Variants in MARCHF10 observed in about 807,000 individuals in gnomAD.
MARCHF10 encodes probable E3 ubiquitin-protein ligase MARCHF10.
A neutral mutation model predicts 76.2 loss-of-function variants in MARCHF10; 64 were observed. That is an observed-to-expected ratio of 0.84 (90% confidence interval 0.69 to 1.03). The LOEUF is 1.03. MARCHF10 is among the 50% of genes least tolerant of loss of function. The pLI, the probability that MARCHF10 is intolerant of heterozygous loss-of-function variation, is 0.00. For missense variants in MARCHF10, 875 were observed against 958.0 expected (o/e 0.91, Z 1.14); for synonymous variants, 340 against 357.5 (o/e 0.95, Z 0.55).
Position 62,744,226 on chromosome 17 carries a change from A to G in MARCHF10, c.535+150T>C. 3 of 864,300 alleles carry G rather than the reference A, an allele frequency of 3.5e-6. No individual in the cohort carries two copies. The South Asian group carries it at 5.8e-5, about 17-fold the overall frequency. 53.5% of individuals were successfully genotyped at this position (864,300 alleles called of 1,614,324 possible). On this transcript the variant is annotated intron_variant, in intron 5 of 10. Transcript: ENST00000311269. ...ACGCCAAAAGCCCTAGGATCATACA[A>G]TTTGCTTTTAAAGCTGTTTCATTTT...
chr17:62,789,292 T>A (rs1313274632), intron 2 of MARCHF10, among the ~76,000 whole-genome samples: 1 of 152,086 alleles, frequency 6.6e-6, no homozygotes, highest in Non-Finnish European at 1.5e-5. Context: ...ACCCTGGAGA[T>A]GACACCCTAG....
At chr17:62,761,447 G>T (rs566549328) in intron 3 of MARCHF10, among the ~76,000 whole-genome samples, 1 of 151,846 alleles carries the variant, frequency 6.6e-6, no homozygotes, top group East Asian at 1.9e-4. Flanking sequence ...TTGAGACAAA[G>T]TTTCACTCTT....
At chr17:62,710,550 C>CTTTTTTTT (rs552647502) in intron 9 of MARCHF10, among the ~76,000 whole-genome samples, 22 of 88,620 alleles carry the variant, frequency 2.5e-4, no homozygotes, top group African/African-American at 1.1e-3. Context: ...TTGAACCCAG[C>CTTTTTTTT]TTTTTTTTTT....
Position 62,736,836 on chromosome 17 carries a change from T to C in MARCHF10, c.1032A>G (p.Ser344=), listed in dbSNP as rs2091288753. The part of the protein sequence containing the change: ...ENAENCRGHS[S]RRSEPSHGSL... ...AGCCATGACTGGGCTCACTTCTTCT[T>C]GAAGAATGACCTCTGCAATTTTCAG... is the stretch of plus-strand genomic sequence containing the variant. The change falls in exon 6 of 11, where the codon TCA becomes TCG. Residue 344 remains serine, a synonymous_variant. Coordinates refer to ENST00000311269, the MANE Select transcript of MARCHF10 (RefSeq NM_152598.4). 1 of 1,613,966 alleles carries C rather than the reference T, an allele frequency of 6.2e-7. No individual in the cohort carries two copies. The highest frequency in any genetic ancestry group is 1.1e-5 in the South Asian group (1 of 91,080).
chr17:62,727,652 T>C (rs2090827236), intron 6 of MARCHF10, among the ~76,000 whole-genome samples: 1 of 152,030 alleles, frequency 6.6e-6, no homozygotes, highest in Non-Finnish European at 1.5e-5. Context: ...CACACAAATC[T>C]CTTAAAAGAC....
At chr17:62,734,866 G>A in intron 6 of MARCHF10, among the ~76,000 whole-genome samples, 1 of 152,112 alleles carries the variant, frequency 6.6e-6, no homozygotes, top group Admixed American at 6.6e-5. Context: ...TTAGCTCAAG[G>A]GCATCACTTT....
rs1286469919 is a variant in MARCHF10 at position 62,772,616 on chromosome 17, G to A, written c.211-12610C>T. 2.6e-5 allele frequency among the ~76,000 whole-genome samples: 4 copies of A among 152,110 alleles called. 1 individual carries two copies. The highest frequency in any genetic ancestry group is 9.7e-5 in the African/African-American group (4 of 41,410). ...GTTTGGGTGGGAAATGTAGGCCTGGGAGTCATTGGCAGTTGACATCTTGAC... is the reference window on the plus strand; with the variant it reads ...GTTTGGGTGGGAAATGTAGGCCTGGAAGTCATTGGCAGTTGACATCTTGAC... On this transcript the variant is annotated intron_variant, in intron 3 of 10. Transcript: ENST00000311269.
chr17:62,785,729 C>T lies in MARCHF10; in HGVS notation c.210+2751G>A, dbSNP rs1404618728. Among the ~76,000 whole-genome samples the T allele has an allele frequency of 2.6e-5, 4 of 152,274 alleles. No homozygotes were observed. In the South Asian group the frequency reaches 8.3e-4, roughly 32 times the overall value. Reference sequence around the variant, plus strand: ...AAAGTGGGCAAAGGATATGAACAGACACTTTTCAAAAGAAGACATCTATGC... The same window carrying T: ...AAAGTGGGCAAAGGATATGAACAGATACTTTTCAAAAGAAGACATCTATGC... On this transcript the variant is annotated intron_variant, in intron 3 of 10. Coordinates refer to ENST00000311269, the MANE Select transcript of MARCHF10 (RefSeq NM_152598.4).
intron 3 of MARCHF10, among the ~76,000 whole-genome samples, chr17:62,772,270 A>C (rs2092462572): frequency 1.3e-5 from 2 of 152,228 alleles, no homozygotes; most frequent in South Asian, 4.2e-4. Context: ...GGTTTTATAA[A>C]GGGGAGTTTC....
At chr17:62,803,014 T>C (rs895996836) in intron 1 of MARCHF10, among the ~76,000 whole-genome samples, 9 of 152,226 alleles carry the variant, frequency 5.9e-5, no homozygotes, top group Non-Finnish European at 1.3e-4. Context: ...TGGAGTGTAG[T>C]GGTGTGATCA....
chr17:62,765,263 A>T (rs998173203), intron 3 of MARCHF10, among the ~76,000 whole-genome samples: 5 of 150,522 alleles, frequency 3.3e-5, no homozygotes, highest in African/African-American at 1.2e-4. Flanking sequence ...GAGGCACGAG[A>T]ATTGCTTGAA....
chr17:62,795,002 G>T (rs2148176717), intron 2 of MARCHF10: 1 of 985,124 alleles, frequency 1.0e-6, no homozygotes, highest in East Asian at 1.1e-4. Context: ...TGGCTGTGAA[G>T]AGTAGAGCAA....
chr17:62,723,558 A>ATTTTTTTTTTTTTT (rs2090597792), intron 7 of MARCHF10, among the ~76,000 whole-genome samples: 2 of 62,356 alleles, frequency 3.2e-5, no homozygotes, highest in Non-Finnish European at 5.3e-5. Context: ...TGTTCGCTTG[A>ATTTTTTTTTTTTTT]CTTTTTTTTT....
At chr17:62,771,375 A>G (rs1310586839) in intron 3 of MARCHF10, among the ~76,000 whole-genome samples, 2 of 151,834 alleles carry the variant, frequency 1.3e-5, no homozygotes, top group East Asian at 1.9e-4. Flanking sequence ...AGGGAACAGC[A>G]CGTGCAAAGG....
At chr17:62,798,842 T>C (rs1335874879) in intron 2 of MARCHF10, among the ~76,000 whole-genome samples, 1 of 152,156 alleles carries the variant, frequency 6.6e-6, no homozygotes, top group East Asian at 1.9e-4. Context: ...ATGAGAGGCC[T>C]GTGGATGGCA....
intron 10 of MARCHF10, chr17:62,704,945 CGTTT>C (rs2089483031): frequency 2.3e-6 from 2 of 856,838 alleles, no homozygotes; most frequent in South Asian, 1.1e-4. Flanking sequence ...TTTCTCCAGT[CGTTT>C]TTTTTTTTTT....
At position 62,728,817 on chromosome 17, in the gene MARCHF10, A is replaced by G. The variant is rs571088207; in HGVS notation, c.1938-3713T>C. ...AGCCATGAGCTTTAATGCACTAAATAAAAGCAAAATTCTTATACATGCAAA... is the reference window on the plus strand; with the variant it reads ...AGCCATGAGCTTTAATGCACTAAATGAAAGCAAAATTCTTATACATGCAAA... On this transcript the variant is annotated intron_variant, in intron 6 of 10. Coordinates refer to ENST00000311269, the MANE Select transcript of MARCHF10 (RefSeq NM_152598.4). Among the ~76,000 whole-genome samples, 42 of 152,362 alleles carry G rather than the reference A, an allele frequency of 2.8e-4. 1 individual carries two copies. Among genetic ancestry groups the G allele is most frequent in the Admixed American group, 9.8e-4 (15 of 15,298 alleles).
At chr17:62,797,682 G>A (rs2093007868) in intron 2 of MARCHF10, among the ~76,000 whole-genome samples, 2 of 152,178 alleles carry the variant, frequency 1.3e-5, no homozygotes, top group South Asian at 4.1e-4. Context: ...TGAGTCTTGG[G>A]CCTGCCTTTA....
At chr17:62,717,590 G>C (rs372838571) in intron 8 of MARCHF10, among the ~76,000 whole-genome samples, 1 of 152,218 alleles carries the variant, frequency 6.6e-6, no homozygotes, top group Non-Finnish European at 1.5e-5. Context: ...ACCCGAGGGC[G>C]GAGGAGGGAG....
Sources: gnomAD v4.1 joint callset for allele counts (sites outside exome capture counted in the v4.1 genomes callset) on GRCh38, gnomAD v4.1.1 for gene constraint, MANE v1.5 for transcripts, NCBI Gene and HGNC (gene_info 2026-07-23, HGNC 2026-07-21) for gene names.